Variants in DNAH3 observed in about 807,000 individuals in gnomAD.
The protein encoded by DNAH3 is dynein axonemal heavy chain 3, also known as axonemal beta dynein heavy chain 3.
Under a neutral mutation model 432.5 loss-of-function variants are expected in DNAH3, and 332 were observed. The ratio of observed to expected loss-of-function variants is 0.77; its 90% CI spans 0.70 to 0.84. The LOEUF (loss-of-function observed/expected upper bound fraction) is 0.84, where lower values mean the gene tolerates loss of function less well. Ranked by LOEUF, DNAH3 falls within the 40% of genes least tolerant of loss-of-function variation. The probability of loss-of-function intolerance (pLI) is 0.00; values close to 1 mark genes in which losing one functional copy is unlikely to be tolerated. For missense variants in DNAH3, 4,861 were observed against 5,114.0 expected (o/e 0.95, Z 1.51); for synonymous variants, 1,956 against 1,900.2 (o/e 1.03, Z -0.76).
At chr16:21,013,673 C>T (rs1049314838) in intron 41 of DNAH3, among the ~76,000 whole-genome samples, 2 of 137,568 alleles carry the variant, frequency 1.5e-5, no homozygotes, top group South Asian at 2.4e-4. Context: ...GAGCCAAGAT[C>T]GTGCCATTGC....
At position 21,049,695 on chromosome 16, in the gene DNAH3, A is replaced by T; in HGVS notation, c.4348-13T>A. On this transcript the variant is annotated splice_polypyrimidine_tract_variant and intron_variant, in intron 30 of 61. Transcript: ENST00000261383. ...TGAAGACCACACACTAGAAAGAGGG[A>T]GGATGTGGGTATCATTCAGGGTGGA... 1.2e-6 allele frequency: 2 copies of T among 1,609,578 alleles called. No individual in the cohort carries two copies. The highest frequency in any genetic ancestry group is 2.2e-5 in the East Asian group (1 of 44,846).
chr16:21,112,647 G>C (rs2092102591), intron 12 of DNAH3, among the ~76,000 whole-genome samples: 1 of 152,112 alleles, frequency 6.6e-6, no homozygotes, highest in African/African-American at 2.4e-5. Context: ...AATTCTAGGA[G>C]ATACAATTCA....
exon 12 of DNAH3, chr16:21,117,264 C>G (rs1270639792): frequency 6.2e-7 from 1 of 1,611,038 alleles, no homozygotes; most frequent in Admixed American, 1.7e-5. Flanking sequence ...AAATCAGAAA[C>G]AAGTTTTTCT....
intron 44 of DNAH3, among the ~76,000 whole-genome samples, chr16:20,996,033 T>C (rs1164549014): frequency 3.2e-4 from 48 of 152,236 alleles, no homozygotes; most frequent in Admixed American, 3.1e-3. Flanking sequence ...TTTTGGAATC[T>C]GTGGGGATAC....
intron 16 of DNAH3, among the ~76,000 whole-genome samples, chr16:21,103,354 T>TG (rs553390308): frequency 0.1 from 6,764 of 67,292 alleles, 272 homozygotes; most frequent in African/African-American, 0.23. Context: ...GGTGTGTGTG[T>TG]GGGGGGGGGC....
At chr16:20,963,355 C>A (rs773310802) in exon 53 of DNAH3, 1 of 1,614,182 alleles carries the variant, frequency 6.2e-7, no homozygotes, top group South Asian at 1.1e-5. Flanking sequence ...ATTGTAGGAT[C>A]CCTGGAGATC....
At chr16:20,949,547 C>T (rs1340667965) in intron 56 of DNAH3, among the ~76,000 whole-genome samples, 2 of 151,990 alleles carry the variant, frequency 1.3e-5, no homozygotes, top group Non-Finnish European at 2.9e-5. Flanking sequence ...ATATGGGGTT[C>T]GGTAAAATCC....
chr16:21,141,207 G>T, intron 4 of DNAH3, 93 bp downstream of exon 5: 1 of 866,992 alleles, frequency 1.2e-6, no homozygotes, highest in Non-Finnish European at 1.8e-6. Context: ...GGAATGCTTT[G>T]AAGCCAAGAA....
chr16:21,143,948 T>A (rs1007262049), intron 3 of DNAH3, among the ~76,000 whole-genome samples: 1 of 151,922 alleles, frequency 6.6e-6, no homozygotes, highest in Non-Finnish European at 1.5e-5. Context: ...AATTAGTAAA[T>A]TGGAAGATGT....
At chr16:21,010,911 T>G (rs1292869803) in intron 41 of DNAH3, among the ~76,000 whole-genome samples, 2 of 151,440 alleles carry the variant, frequency 1.3e-5, no homozygotes, top group Non-Finnish European at 2.9e-5. Flanking sequence ...TGTTTTTTTT[T>G]GTTTTGTTTT....
At chr16:20,998,212 C>T (rs2086848181) in intron 43 of DNAH3, among the ~76,000 whole-genome samples, 1 of 152,130 alleles carries the variant, frequency 6.6e-6, no homozygotes, top group African/African-American at 2.4e-5. Flanking sequence ...ATGGGAGCAA[C>T]AGATGATGAG....
At chr16:21,078,932 C>T (rs16970848) in intron 20 of DNAH3, among the ~76,000 whole-genome samples, 19,565 of 152,216 alleles carry the variant, frequency 0.13, 1,331 homozygotes, top group East Asian at 0.17. Flanking sequence ...CATGCCTTTT[C>T]TCCTAATCCT....
intron 19 of DNAH3, among the ~76,000 whole-genome samples, chr16:21,086,626 C>G (rs576696497): frequency 6.6e-6 from 1 of 152,296 alleles, no homozygotes; most frequent in African/African-American, 2.4e-5. Context: ...CGAACCACGA[C>G]CAATGGGGGT....
chr16:21,083,761 G>A (rs1443880416), intron 19 of DNAH3, among the ~76,000 whole-genome samples: 1 of 152,162 alleles, frequency 6.6e-6, no homozygotes, highest in African/African-American at 2.4e-5. Flanking sequence ...AGGCATCAGG[G>A]CAGAGAATGA....
At chr16:21,108,405 G>C (rs2091995131) in intron 14 of DNAH3, among the ~76,000 whole-genome samples, 1 of 152,296 alleles carries the variant, frequency 6.6e-6, no homozygotes, top group Non-Finnish European at 1.5e-5. Flanking sequence ...ACAAATGGAT[G>C]ATTGCTTAAG....
chr16:20,978,002 C>CT (rs2085673714), intron 50 of DNAH3, among the ~76,000 whole-genome samples: 1 of 152,198 alleles, frequency 6.6e-6, no homozygotes, highest in South Asian at 2.1e-4. Context: ...TTGCTGTACA[C>CT]AGAGCCAAGC....
chr16:20,934,446 G>A (rs1464179441), intron 61 of DNAH3, among the ~76,000 whole-genome samples: 3 of 142,854 alleles, frequency 2.1e-5, no homozygotes, highest in African/African-American at 5.2e-5. Flanking sequence ...TCCCTTAAAT[G>A]TGCTTAGAAC....
intron 16 of DNAH3, among the ~76,000 whole-genome samples, chr16:21,101,500 G>A (rs2091837175): frequency 6.6e-6 from 1 of 152,192 alleles, no homozygotes; most frequent in African/African-American, 2.4e-5. Context: ...TTGAATAAGA[G>A]TTGTATTTGT....
chr16:20,975,934 G>A (rs763666101), intron 50 of DNAH3, among the ~76,000 whole-genome samples: 1 of 151,914 alleles, frequency 6.6e-6, no homozygotes, highest in South Asian at 2.1e-4. Flanking sequence ...TAGTAGAGAC[G>A]AAGTTTCACC....
Sources: gnomAD v4.1 joint callset for allele counts (sites outside exome capture counted in the v4.1 genomes callset) on GRCh38, gnomAD v4.1.1 for gene constraint, MANE v1.5 for transcripts, NCBI Gene and HGNC (gene_info 2026-07-23, HGNC 2026-07-21) for gene names.